Variants in CACNA1C observed in about 807,000 individuals in gnomAD.
CACNA1C encodes the protein calcium voltage-gated channel subunit alpha1 C.
In CACNA1C, 30 loss-of-function variants were observed where a neutral mutation model predicts 229.0. The ratio of observed to expected loss-of-function variants is 0.13; its 90% confidence interval spans 0.10 to 0.18. The LOEUF (loss-of-function observed/expected upper bound fraction) is 0.18, where lower values mean the gene tolerates loss of function less well. Ranked by LOEUF, CACNA1C falls within the 10% of genes least tolerant of loss-of-function variation. CACNA1C has a pLI of 1.00. For missense variants in CACNA1C, 1,658 were observed against 2,845.0 expected (o/e 0.58, Z 9.49); for synonymous variants, 1,114 against 1,132.5 (o/e 0.98, Z 0.33).
intron 3 of CACNA1C, among the ~76,000 whole-genome samples, chr12:2,318,881 G>T (rs2095827142): frequency 6.6e-6 from 1 of 151,572 alleles, no homozygotes. Flanking sequence ...GATGGGGAGG[G>T]TTGGATAGAA....
intron 3 of CACNA1C, among the ~76,000 whole-genome samples, chr12:2,200,264 CTCAG>C (rs748182543): frequency 6.6e-6 from 1 of 152,188 alleles, no homozygotes; most frequent in Non-Finnish European, 1.5e-5. Flanking sequence ...TCATTCAGTA[CTCAG>C]TCTGTAAGGG....
intron 3 of CACNA1C, among the ~76,000 whole-genome samples, chr12:2,194,593 C>T (rs1474271350): frequency 6.6e-6 from 1 of 152,160 alleles, no homozygotes; most frequent in Non-Finnish European, 1.5e-5. Context: ...CTTCCTTCCC[C>T]CTTCCTGCTC....
At chr12:2,331,041 G>A (rs2096531058) in intron 3 of CACNA1C, among the ~76,000 whole-genome samples, 1 of 152,204 alleles carries the variant, frequency 6.6e-6, no homozygotes, top group Non-Finnish European at 1.5e-5. Context: ...TACCACGAAT[G>A]TAGTATTTTT....
intron 1 of CACNA1C, chr12:2,004,559 A>C: frequency 7.4e-7 from 1 of 1,359,296 alleles, no homozygotes; most frequent in Non-Finnish European, 9.8e-7. Context: ...TTCCGGCTCC[A>C]GTCACCCCCA....
intron 1 of CACNA1C, among the ~76,000 whole-genome samples, chr12:2,033,089 G>A (rs2048499060): frequency 6.6e-6 from 1 of 152,234 alleles, no homozygotes; most frequent in Non-Finnish European, 1.5e-5. Flanking sequence ...GTTAGGTGCA[G>A]TGATGTAGCT....
intron 29 of CACNA1C, 37 bp downstream of exon 29, chr12:2,612,050 CAG>C (rs1439702628): frequency 2.4e-6 from 3 of 1,228,476 alleles, no homozygotes; most frequent in Non-Finnish European, 3.6e-6. Flanking sequence ...TCCCAGGCAT[CAG>C]GGGTGGACAG....
intron 1 of CACNA1C, among the ~76,000 whole-genome samples, chr12:2,043,973 C>A (rs2050645632): frequency 6.6e-6 from 1 of 152,118 alleles, no homozygotes; most frequent in Non-Finnish European, 1.5e-5. Flanking sequence ...AATATTCTTG[C>A]TAACTAAACT....
At chr12:2,326,490 G>A (rs772600100) in intron 3 of CACNA1C, among the ~76,000 whole-genome samples, 3 of 152,262 alleles carry the variant, frequency 2.0e-5, no homozygotes, top group South Asian at 2.1e-4. Flanking sequence ...GGAGATTCTC[G>A]AAAGTCCCAG....
chr12:1,995,031 AG>A (rs1281520459), intron 1 of CACNA1C, among the ~76,000 whole-genome samples: 1 of 151,828 alleles, frequency 6.6e-6, no homozygotes, highest in Non-Finnish European at 1.5e-5. Flanking sequence ...CCCATTCTTG[AG>A]GAGTTAGATT....
In CACNA1C at chr12:2,606,654, C is replaced by A; in HGVS notation, c.3200C>A (p.Ala1067Glu). Residue 1067 changes from alanine (A) to glutamate (E), a missense_variant, in exon 25 of 47, where the codon GCG becomes GAG. By Grantham distance (107) the Ala-to-Glu change is moderately radical (BLOSUM62 -1). This residue lies in a region of CACNA1C where 77 missense variants were observed against 130.9 expected (regional missense o/e 0.59). Coordinates refer to ENST00000399655, the MANE Select transcript of CACNA1C (RefSeq NM_000719.7). ...TCSDSSKQTEAECKGNYITYK... is the reference protein window; with the variant it reads ...TCSDSSKQTEEECKGNYITYK... ...TCAGACAGTTCCAAGCAGACAGAGG[C>A]GGAATGCAAGTGAGTAGAGGTGGGA... The A allele has an allele frequency of 1.2e-6, 2 of 1,609,016 alleles. No homozygotes were observed. Among genetic ancestry groups the A allele is most frequent in the Non-Finnish European group, 1.7e-6 (2 of 1,177,900 alleles).
intron 13 of CACNA1C, among the ~76,000 whole-genome samples, chr12:2,577,574 C>G (rs555945849): frequency 6.6e-6 from 1 of 152,340 alleles, no homozygotes; most frequent in South Asian, 2.1e-4. Context: ...GGGCAGGCAG[C>G]CACTTCTCAC....
intron 1 of CACNA1C, among the ~76,000 whole-genome samples, chr12:2,104,481 G>A (rs1044533469): frequency 1.3e-5 from 2 of 152,196 alleles, no homozygotes; most frequent in African/African-American, 2.4e-5. Context: ...CTGAGACAAT[G>A]GAGTTTTCTA....
chr12:2,502,590 A>C (rs2099763109), intron 7 of CACNA1C, among the ~76,000 whole-genome samples: 1 of 152,326 alleles, frequency 6.6e-6, no homozygotes, highest in Admixed American at 6.5e-5. Context: ...ATGCACAATG[A>C]TTATGTTGGG....
intron 1 of CACNA1C, among the ~76,000 whole-genome samples, chr12:2,036,329 G>A (rs1233256662): frequency 6.6e-6 from 1 of 152,192 alleles, no homozygotes; most frequent in Non-Finnish European, 1.5e-5. Context: ...TCACTTCAGG[G>A]TAGGCGCTCT....
chr12:2,123,785 T>G (rs1456136707), intron 3 of CACNA1C, among the ~76,000 whole-genome samples: 3 of 152,256 alleles, frequency 2.0e-5, no homozygotes, highest in African/African-American at 4.8e-5. Context: ...CATTTAGCTT[T>G]CTTTCTATTC....
intron 4 of CACNA1C, among the ~76,000 whole-genome samples, chr12:2,457,140 G>T (rs1422176130): frequency 6.6e-6 from 1 of 152,250 alleles, no homozygotes; most frequent in African/African-American, 2.4e-5. Flanking sequence ...AAAGAGGGGG[G>T]GTATCTAGAA....
chr12:2,483,697 T>C (rs573112286), intron 5 of CACNA1C, among the ~76,000 whole-genome samples: 10 of 152,294 alleles, frequency 6.6e-5, no homozygotes, highest in African/African-American at 2.4e-4. Context: ...GTCTGGGTGC[T>C]CAGGTGAGTG....
At chr12:2,263,406 T>G (rs970680261) in intron 3 of CACNA1C, among the ~76,000 whole-genome samples, 1 of 152,124 alleles carries the variant, frequency 6.6e-6, no homozygotes, top group African/African-American at 2.4e-5. Context: ...CAGAGGGCAC[T>G]TAGGGTCTTG....
rs1194245111 is a variant in CACNA1C, at chr12:2,654,581, C to G, written c.4141-566C>G. Among the ~76,000 whole-genome samples the G allele has an allele frequency of 6.6e-6, 1 of 152,234 alleles. No homozygotes were observed. The highest frequency in any genetic ancestry group is 1.5e-5 in the Non-Finnish European group (1 of 68,040). On this transcript the variant is annotated intron_variant, in intron 33 of 46. Coordinates refer to ENST00000399655, the MANE Select transcript of CACNA1C (RefSeq NM_000719.7). The surrounding 1 kb of genome is among the most constrained non-coding windows in gnomAD (Gnocchi z 4.4). Reference sequence around the variant, plus strand: ...TCCTTCAGGAAGTCCCCTACTTGCTCATCGCAGAAAGACCCAAGATTCAGT... The same window carrying G: ...TCCTTCAGGAAGTCCCCTACTTGCTGATCGCAGAAAGACCCAAGATTCAGT...
Sources: gnomAD v4.1 joint callset for allele counts (sites outside exome capture counted in the v4.1 genomes callset) on GRCh38, gnomAD v4.1.1 for gene constraint, gnomAD v4.1.1 regional missense constraint, Gnocchi (gnomAD v3.1) non-coding constraint, MANE v1.5 for transcripts, NCBI Gene and HGNC (gene_info 2026-07-23, HGNC 2026-07-21) for gene names.